Variants in ZC2HC1B observed in about 807,000 individuals in gnomAD.
ZC2HC1B encodes zinc finger C2HC-type containing 1B.
Under a neutral mutation model 31.0 loss-of-function variants are expected in ZC2HC1B, and 36 were observed. The observed-to-expected ratio is 1.16, with a 90% CI of 0.89 to 1.54. The LOEUF is 1.54. Among genes scored for constraint, ZC2HC1B ranks in the 40% most tolerant of loss-of-function variants. The pLI is 0.00. For synonymous variants in ZC2HC1B, 73 were observed against 88.0 expected (o/e 0.83, Z 0.95); for missense variants, 260 against 268.6 (o/e 0.97, Z 0.22).
Position 143,929,231 on chromosome 6 carries a change from A to G in ZC2HC1B, c.599-8418A>G, listed in dbSNP as rs184067678. Among the ~76,000 whole-genome samples the G allele has an allele frequency of 4.8e-3, 735 of 152,242 alleles. 5 individuals are homozygous for G. Among genetic ancestry groups the G allele is most frequent in the African/African-American group, 0.017 (702 of 41,542 alleles). The stretch of plus-strand genomic sequence containing the variant: ...GTTATTGGCTGTGGGTTTGTTATAC[A>G]TGGCTTTTATTGTTTTGAGGTATGT... On this transcript the variant is annotated intron_variant, in intron 6 of 7. Transcript: ENST00000237275.
rs753459382 is a variant in ZC2HC1B at position 143,898,609 on chromosome 6, A to ATAC, written c.410_412dup (p.Thr137dup). ...TTTAATGAAAGCGCAGCTGAGCGAC[A>ATAC]TACTAATTTCTGCAAGGATCAGTCT... is the stretch of plus-strand genomic sequence containing the variant. On this transcript the variant is annotated inframe_insertion, in exon 5 of 8. Transcript: ENST00000237275. 6.4e-6 allele frequency: 10 copies of ATAC among 1,551,900 alleles called. No homozygotes were observed. Among genetic ancestry groups the ATAC allele is most frequent in the Non-Finnish European group, 8.7e-6 (10 of 1,147,026 alleles).
intron 6 of ZC2HC1B, among the ~76,000 whole-genome samples, chr6:143,937,170 A>G (rs1778188518): frequency 6.6e-6 from 1 of 152,182 alleles, no homozygotes; most frequent in South Asian, 2.1e-4. Flanking sequence ...TGCTGGGCTC[A>G]AGGGAAAAGA....
chr6:143,882,312 A>G (rs1296677719), intron 1 of ZC2HC1B, among the ~76,000 whole-genome samples: 1 of 125,470 alleles, frequency 8.0e-6, no homozygotes, highest in Non-Finnish European at 1.6e-5. Flanking sequence ...TGCTTAAAAT[A>G]TGTATACATA....
intron 6 of ZC2HC1B, among the ~76,000 whole-genome samples, chr6:143,931,245 A>T (rs552833370): frequency 6.6e-6 from 1 of 152,012 alleles, no homozygotes; most frequent in African/African-American, 2.4e-5. Context: ...TCATCGGTGG[A>T]TTTTTGTCCA....
At chr6:143,879,077 G>A (rs1777438929) in intron 1 of ZC2HC1B, among the ~76,000 whole-genome samples, 2 of 152,212 alleles carry the variant, frequency 1.3e-5, no homozygotes, top group African/African-American at 4.8e-5. Context: ...TTTCCCCTTG[G>A]TCCTCCATAT....
At chr6:143,898,808 CTGATCA>C in intron 5 of ZC2HC1B, 117 bp downstream of exon 5, 1 of 1,318,318 alleles carries the variant, frequency 7.6e-7, no homozygotes, top group Non-Finnish European at 1.0e-6. Flanking sequence ...GTGAAGAGAG[CTGATCA>C]TGATTGCTCA....
At chr6:143,888,443 A>AT (rs1777557154) in intron 4 of ZC2HC1B, among the ~76,000 whole-genome samples, 2 of 151,958 alleles carry the variant, frequency 1.3e-5, no homozygotes, top group African/African-American at 4.8e-5. Flanking sequence ...TTATAATGAG[A>AT]TTTTTTAGGG....
rs1554240995 is a variant in ZC2HC1B, at chr6:143,923,896, G to GA, written c.599-13753_599-13752insA. 1.3e-5 allele frequency among the ~76,000 whole-genome samples: 2 copies of GA among 149,482 alleles called. No individual in the cohort carries two copies. The highest frequency in any genetic ancestry group is 4.9e-5 in the African/African-American group (2 of 40,642). On this transcript the variant is annotated intron_variant, in intron 6 of 7. Coordinates refer to ENST00000237275, the MANE Select transcript of ZC2HC1B (RefSeq NM_001013623.3). The surrounding 1 kb of genome is among the most constrained non-coding windows in gnomAD (Gnocchi z 4.8). ...TCAGGTATGTGATGCCTCCAGCTTT[G>GA]TTTTTTTTTACTCAGGAACACTATG...
intron 1 of ZC2HC1B, among the ~76,000 whole-genome samples, chr6:143,877,565 G>T (rs1352201397): frequency 1.3e-5 from 2 of 150,178 alleles, no homozygotes; most frequent in East Asian, 1.9e-4. Flanking sequence ...TTACAGGCGT[G>T]AGCCACTGTG....
chr6:143,910,129 GA>G (rs1777841318), intron 6 of ZC2HC1B, among the ~76,000 whole-genome samples: 1 of 152,178 alleles, frequency 6.6e-6, no homozygotes, highest in Non-Finnish European at 1.5e-5. Flanking sequence ...TAATTTCAAA[GA>G]ACTTGATTTC....
chr6:143,870,409 T>C lies in ZC2HC1B; in HGVS notation c.28+5842T>C, dbSNP rs1488040503. Among the ~76,000 whole-genome samples the C allele has an allele frequency of 6.6e-6, 1 of 152,128 alleles. No individual in the cohort carries two copies. The highest frequency in any genetic ancestry group is 1.5e-5 in the Non-Finnish European group (1 of 68,004). On this transcript the variant is annotated intron_variant, in intron 1 of 7. Transcript: ENST00000237275. This position sits in a 1 kb window ranked among gnomAD's most constrained non-coding sequence, Gnocchi z 4.7. ...TCATAGAGAACTCCTCATGAGGCCA[T>C]TGGTGCAGGCTAGGGGAGAGAAGGC...
At position 143,905,339 on chromosome 6, in the gene ZC2HC1B, T is replaced by A. The variant is rs1777781225; in HGVS notation, c.598+2187T>A. Among the ~76,000 whole-genome samples, 1 of 152,208 alleles carries A rather than the reference T, an allele frequency of 6.6e-6. No homozygotes were observed. Among genetic ancestry groups the A allele is most frequent in the African/African-American group, 2.4e-5 (1 of 41,472 alleles). On this transcript the variant is annotated intron_variant, in intron 6 of 7. Transcript: ENST00000237275. This position sits in a 1 kb window ranked among gnomAD's most constrained non-coding sequence, Gnocchi z 4.2. ...TTTGATGTTATTGTAAATGTAGTTGTCTTCATAATTTTTTTTGATTGTTCA... is the reference window on the plus strand; with the variant it reads ...TTTGATGTTATTGTAAATGTAGTTGACTTCATAATTTTTTTTGATTGTTCA...
intron 6 of ZC2HC1B, among the ~76,000 whole-genome samples, chr6:143,925,685 C>T (rs1376156080): frequency 3.3e-5 from 5 of 151,874 alleles, no homozygotes; most frequent in East Asian, 1.9e-4. Context: ...TATAGGCATG[C>T]GCCATCACAC....
At chr6:143,930,599 G>T (rs1436840788) in intron 6 of ZC2HC1B, among the ~76,000 whole-genome samples, 2 of 151,790 alleles carry the variant, frequency 1.3e-5, no homozygotes, top group Non-Finnish European at 1.5e-5. Context: ...CCGTGGTCTC[G>T]ATCTCCTGAC....
rs1227281487 is a variant in ZC2HC1B, at chr6:143,922,222, A to G, written c.599-15427A>G. Among the ~76,000 whole-genome samples, 1 of 152,208 alleles carries G rather than the reference A, an allele frequency of 6.6e-6. No homozygotes were observed. The highest frequency in any genetic ancestry group is 1.5e-5 in the Non-Finnish European group (1 of 68,044). On this transcript the variant is annotated intron_variant, in intron 6 of 7. Coordinates refer to ENST00000237275, the MANE Select transcript of ZC2HC1B (RefSeq NM_001013623.3). The surrounding 1 kb of genome is among the most constrained non-coding windows in gnomAD (Gnocchi z 5.0). ...ATATAATATTTGTACATGTTTATGG[A>G]ATACATGTGGTATTTTGATACATGA... is the stretch of plus-strand genomic sequence containing the variant.
chr6:143,882,638 A>G (rs1243382535), intron 1 of ZC2HC1B, among the ~76,000 whole-genome samples: 1 of 151,606 alleles, frequency 6.6e-6, no homozygotes, highest in Non-Finnish European at 1.5e-5. Context: ...TTGGCCTTAA[A>G]TATAAGTTTC....
intron 1 of ZC2HC1B, among the ~76,000 whole-genome samples, chr6:143,867,584 AC>A (rs1777279751): frequency 6.6e-6 from 1 of 152,192 alleles, no homozygotes; most frequent in Non-Finnish European, 1.5e-5. Flanking sequence ...TCAATGCAGA[AC>A]CTTCCTATGG....
chr6:143,873,029 A>T (rs1026855979), intron 1 of ZC2HC1B, among the ~76,000 whole-genome samples: 7 of 152,212 alleles, frequency 4.6e-5, no homozygotes, highest in Admixed American at 2.0e-4. Context: ...CCAAAGTCTC[A>T]TCTGAAACAA....
rs1224570263 is a variant in ZC2HC1B at position 143,871,059 on chromosome 6, A to G, written c.28+6492A>G. ...TCTTTCTTGGTGGTAGGAGGGGCCA[A>G]ATGCAGCAACTTATCCTTCATCTTA... On this transcript the variant is annotated intron_variant, in intron 1 of 7. Transcript: ENST00000237275. This position sits in a 1 kb window ranked among gnomAD's most constrained non-coding sequence, Gnocchi z 4.1. 6.6e-6 allele frequency among the ~76,000 whole-genome samples: 1 copy of G among 152,108 alleles called. No individual in the cohort carries two copies. Among genetic ancestry groups the G allele is most frequent in the East Asian group, 1.9e-4 (1 of 5,190 alleles).
Sources: gnomAD v4.1 joint callset for allele counts (sites outside exome capture counted in the v4.1 genomes callset) on GRCh38, gnomAD v4.1.1 for gene constraint, Gnocchi (gnomAD v3.1) non-coding constraint, MANE v1.5 for transcripts, NCBI Gene and HGNC (gene_info 2026-07-23, HGNC 2026-07-21) for gene names.